LRRC4C: variants seen among roughly 807,000 people sequenced by gnomAD.
LRRC4C encodes leucine rich repeat containing 4C, also known as leucine-rich repeat-containing protein 4C.
Under a neutral mutation model 33.6 loss-of-function variants are expected in LRRC4C, and 5 were observed. The observed-to-expected ratio is 0.15, with a 90% confidence interval of 0.08 to 0.31. The LOEUF (loss-of-function observed/expected upper bound fraction) is 0.31, where lower values mean the gene tolerates loss of function less well. Ranked by LOEUF, LRRC4C falls within the 10% of genes least tolerant of loss-of-function variation. The pLI, the probability that LRRC4C is intolerant of heterozygous loss-of-function variation, is 1.00. For synonymous variants in LRRC4C, 329 were observed against 302.0 expected (o/e 1.09, Z -0.93); for missense variants, 560 against 796.7 (o/e 0.70, Z 3.58).
intron 2 of LRRC4C, among the ~76,000 whole-genome samples, chr11:40,819,634 G>A (rs566693993): frequency 2.6e-5 from 4 of 152,158 alleles, no homozygotes; most frequent in Admixed American, 2.0e-4. Context: ...TAAGCTAGCC[G>A]CATAGTCCTG....
chr11:40,190,668 G>C (rs990876636), intron 5 of LRRC4C, among the ~76,000 whole-genome samples: 1 of 152,092 alleles, frequency 6.6e-6, no homozygotes, highest in Admixed American at 6.5e-5. Context: ...TGGGGCTGGG[G>C]GGGATTTTAA....
chr11:40,428,370 A>G (rs1565377979), intron 3 of LRRC4C, among the ~76,000 whole-genome samples: 1 of 152,194 alleles, frequency 6.6e-6, no homozygotes, highest in Admixed American at 6.5e-5. Context: ...CAAATATATT[A>G]TCCTTAGTCT....
At chr11:40,395,763 G>T (rs2137494638) in intron 3 of LRRC4C, among the ~76,000 whole-genome samples, 1 of 152,250 alleles carries the variant, frequency 6.6e-6, no homozygotes, top group African/African-American at 2.4e-5. Context: ...GAGGCGGTCA[G>T]ATCACTTGAG....
chr11:41,160,346 G>A (rs1402684456), intron 1 of LRRC4C, among the ~76,000 whole-genome samples: 1 of 149,366 alleles, frequency 6.7e-6, no homozygotes, highest in Non-Finnish European at 1.5e-5. Flanking sequence ...AGCCATTGCA[G>A]TCCAGCCTAG....
At chr11:41,115,192 A>G (rs1565396950) in intron 1 of LRRC4C, among the ~76,000 whole-genome samples, 1 of 152,146 alleles carries the variant, frequency 6.6e-6, no homozygotes, top group African/African-American at 2.4e-5. Flanking sequence ...CTACATTACT[A>G]AAACTTTCAG....
intron 4 of LRRC4C, among the ~76,000 whole-genome samples, chr11:40,302,776 AT>A (rs1944836829): frequency 6.6e-6 from 1 of 152,148 alleles, no homozygotes; most frequent in Non-Finnish European, 1.5e-5. Context: ...ACACACTTAT[AT>A]TTTTGTAAAA....
chr11:40,463,628 T>C (rs1028442620), intron 3 of LRRC4C, among the ~76,000 whole-genome samples: 1 of 152,054 alleles, frequency 6.6e-6, no homozygotes, highest in Non-Finnish European at 1.5e-5. Flanking sequence ...TTTTCAAGAA[T>C]AGTCTTTCAA....
At chr11:40,564,246 G>A (rs535563544) in intron 3 of LRRC4C, among the ~76,000 whole-genome samples, 2 of 152,232 alleles carry the variant, frequency 1.3e-5, no homozygotes, top group South Asian at 2.1e-4. Context: ...AGACAACAAC[G>A]GCCAATGCTT....
At chr11:40,825,859 T>C (rs1204621268) in intron 2 of LRRC4C, among the ~76,000 whole-genome samples, 1 of 150,782 alleles carries the variant, frequency 6.6e-6, no homozygotes, top group East Asian at 2.0e-4. Flanking sequence ...TGTATATTCT[T>C]TTCGTAAGAA....
intron 1 of LRRC4C, among the ~76,000 whole-genome samples, chr11:41,452,591 C>A (rs776013403): frequency 1.6e-4 from 25 of 152,016 alleles, no homozygotes; most frequent in Non-Finnish European, 3.5e-4. Context: ...AGTTTAATGG[C>A]TCACATTTTA....
chr11:40,915,349 T>C (rs981455938), intron 2 of LRRC4C, among the ~76,000 whole-genome samples: 3 of 152,128 alleles, frequency 2.0e-5, no homozygotes, highest in East Asian at 1.9e-4. Flanking sequence ...AAAACAGAGA[T>C]ATAGATCAAT....
intron 3 of LRRC4C, among the ~76,000 whole-genome samples, chr11:40,361,516 A>C (rs528344703): frequency 9.9e-5 from 15 of 152,228 alleles, no homozygotes; most frequent in Non-Finnish European, 2.1e-4. Flanking sequence ...TTTTGCCACT[A>C]ATGGCAAATA....
intron 1 of LRRC4C, among the ~76,000 whole-genome samples, chr11:41,149,636 T>G (rs1343259638): frequency 6.6e-6 from 1 of 152,056 alleles, no homozygotes; most frequent in Non-Finnish European, 1.5e-5. Flanking sequence ...CCTGCCTTCC[T>G]GGGCACAGAT....
At chr11:40,387,253 A>T (rs1345171852) in intron 3 of LRRC4C, among the ~76,000 whole-genome samples, 1 of 152,140 alleles carries the variant, frequency 6.6e-6, no homozygotes, top group Non-Finnish European at 1.5e-5. Context: ...AAAGACAATG[A>T]TTTCTGATCT....
At position 41,067,105 on chromosome 11, in the gene LRRC4C, A is replaced by G. The variant is rs1225520918; in HGVS notation, c.-495-133382T>C. Among the ~76,000 whole-genome samples, 4 of 152,308 alleles carry G rather than the reference A, an allele frequency of 2.6e-5. No individual in the cohort carries two copies. In the East Asian group the frequency reaches 5.8e-4, roughly 22 times the overall value. ...TGTAAATGGTTTTAACGGCCCAATT[A>G]AAAGACAGAGACTGGCAAATTGAAT... On this transcript the variant is annotated intron_variant, in intron 1 of 6. Coordinates refer to ENST00000528697, the MANE Select transcript of LRRC4C (RefSeq NM_001258419.2).
At chr11:40,261,375 G>A (rs1035537913) in intron 4 of LRRC4C, among the ~76,000 whole-genome samples, 14 of 152,070 alleles carry the variant, frequency 9.2e-5, no homozygotes. Flanking sequence ...AGATATTTAG[G>A]TAAGGGTTAT....
At chr11:40,707,700 G>C (rs1035416876) in intron 2 of LRRC4C, among the ~76,000 whole-genome samples, 1 of 152,060 alleles carries the variant, frequency 6.6e-6, no homozygotes. Context: ...GCCCAGCTTT[G>C]GTATCAGGAT....
chr11:40,471,218 A>G (rs72897077), intron 3 of LRRC4C, among the ~76,000 whole-genome samples: 21,398 of 152,208 alleles, frequency 0.14, 1,583 homozygotes, highest in Admixed American at 0.15. Context: ...AGAATACGGT[A>G]GAGGACAATA....
chr11:41,160,084 A>G (rs1271129134), intron 1 of LRRC4C, among the ~76,000 whole-genome samples: 1 of 152,144 alleles, frequency 6.6e-6, no homozygotes, highest in Non-Finnish European at 1.5e-5. Flanking sequence ...CAAAGTGGTT[A>G]CATCCAGGTA....
Sources: gnomAD v4.1 joint callset for allele counts (sites outside exome capture counted in the v4.1 genomes callset) on GRCh38, gnomAD v4.1.1 for gene constraint, MANE v1.5 for transcripts, NCBI Gene and HGNC (gene_info 2026-07-23, HGNC 2026-07-21) for gene names.